The following SLC44A5 variants were observed in gnomAD, a reference collection of about 807,000 sequenced individuals.
The protein encoded by SLC44A5 is choline transporter-like protein 5.
A neutral mutation model predicts 101.8 loss-of-function variants in SLC44A5; 57 were observed. That is an observed-to-expected ratio of 0.56 (90% CI 0.45 to 0.70). The LOEUF (loss-of-function observed/expected upper bound fraction) is 0.70. Among genes scored for constraint, SLC44A5 ranks in the 30% least tolerant of loss-of-function variants. The pLI is 0.00. For synonymous variants in SLC44A5, 281 were observed against 290.9 expected (o/e 0.97, Z 0.35); for missense variants, 737 against 853.1 (o/e 0.86, Z 1.70).
intron 2 of SLC44A5, among the ~76,000 whole-genome samples, chr1:75,425,621 G>A (rs1664263550): frequency 6.6e-6 from 1 of 152,182 alleles, no homozygotes; most frequent in Admixed American, 6.5e-5. Flanking sequence ...GTGTGTCCTA[G>A]TCAATCTACT....
intron 1 of SLC44A5, among the ~76,000 whole-genome samples, chr1:75,605,846 A>C (rs1402644371): frequency 6.6e-6 from 1 of 152,070 alleles, no homozygotes; most frequent in Non-Finnish European, 1.5e-5. Flanking sequence ...TTTCAGAAGC[A>C]GCTTCCTAGC....
At chr1:75,541,347 C>A (rs965685675) in intron 2 of SLC44A5, 88 bp downstream of exon 2, 28 of 1,025,106 alleles carry the variant, frequency 2.7e-5, no homozygotes, top group Admixed American at 1.3e-4. Context: ...ACTCATTTTT[C>A]TATTTGTCCT....
chr1:75,557,052 A>G (rs1672259000), intron 1 of SLC44A5, among the ~76,000 whole-genome samples: 1 of 152,132 alleles, frequency 6.6e-6, no homozygotes, highest in Non-Finnish European at 1.5e-5. Context: ...ACTGTGTTAC[A>G]TGGTCACCCC....
intron 1 of SLC44A5, among the ~76,000 whole-genome samples, chr1:75,554,451 A>G (rs561660852): frequency 9.1e-4 from 131 of 143,258 alleles, no homozygotes; most frequent in Non-Finnish European, 2.6e-4. Flanking sequence ...CAGCCTGAGC[A>G]ACAGAGTGTG....
At chr1:75,558,615 C>T (rs1672349611) in intron 1 of SLC44A5, among the ~76,000 whole-genome samples, 1 of 152,044 alleles carries the variant, frequency 6.6e-6, no homozygotes, top group Non-Finnish European at 1.5e-5. Flanking sequence ...TCAAGAAAAT[C>T]CCCAAACTTT....
intron 2 of SLC44A5, among the ~76,000 whole-genome samples, chr1:75,539,461 A>T (rs969831815): frequency 6.6e-6 from 1 of 152,008 alleles, no homozygotes; most frequent in African/African-American, 2.4e-5. Context: ...TTTCTGTTCC[A>T]CTCCAACAAG....
At chr1:75,558,155 C>T (rs369354959) in intron 1 of SLC44A5, among the ~76,000 whole-genome samples, 1 of 152,078 alleles carries the variant, frequency 6.6e-6, no homozygotes, top group Non-Finnish European at 1.5e-5. Context: ...GCATTTTTAA[C>T]TTTTATTTTA....
At chr1:75,631,998 C>A in the SLC44A5 span, among the ~76,000 whole-genome samples, 36 of 152,220 alleles carry the variant, frequency 2.4e-4, no homozygotes, top group African/African-American at 8.4e-4. Context: ...TCTGCAGTGC[C>A]TGGAGTCACT....
intron 2 of SLC44A5, among the ~76,000 whole-genome samples, chr1:75,419,747 A>T (rs978053156): frequency 1.3e-5 from 2 of 152,188 alleles, no homozygotes; most frequent in Non-Finnish European, 2.9e-5. Flanking sequence ...AAATCCTAAT[A>T]GGCTATTTAA....
intron 4 of SLC44A5, among the ~76,000 whole-genome samples, chr1:75,337,792 A>C (rs1657565040): frequency 6.6e-6 from 1 of 152,182 alleles, no homozygotes; most frequent in African/African-American, 2.4e-5. Context: ...GTGACTAGGC[A>C]CAAAATGCTG....
At chr1:75,503,065 T>C (rs958630547) in intron 2 of SLC44A5, among the ~76,000 whole-genome samples, 3 of 152,150 alleles carry the variant, frequency 2.0e-5, no homozygotes, top group Non-Finnish European at 4.4e-5. Flanking sequence ...AAAGGTACTA[T>C]TGTCATTATG....
intron 1 of SLC44A5, among the ~76,000 whole-genome samples, chr1:75,553,399 A>G (rs1411051581): frequency 1.3e-5 from 2 of 152,196 alleles, no homozygotes; most frequent in African/African-American, 4.8e-5. Flanking sequence ...TGCCAGTTTT[A>G]TATTTTGAGG....
intron 2 of SLC44A5, among the ~76,000 whole-genome samples, chr1:75,531,637 T>C (rs1272971096): frequency 6.6e-6 from 1 of 152,216 alleles, no homozygotes; most frequent in Non-Finnish European, 1.5e-5. Context: ...TGTCACACTT[T>C]GACAAAGCTC....
rs1377883987 is a variant in SLC44A5, at chr1:75,203,721, G to A, written c.*6C>T. 6.5e-6 allele frequency: 10 copies of A among 1,547,138 alleles called. No homozygotes were observed. The East Asian group carries it at 2.5e-4, about 38-fold the overall frequency. Reference sequence around the variant, plus strand: ...CACACAGCTGTAGGACGACCAGTTTGCTCTTCTACTGCTTCCTAGTTTGTG... The same window carrying A: ...CACACAGCTGTAGGACGACCAGTTTACTCTTCTACTGCTTCCTAGTTTGTG... On this transcript the variant is annotated 3_prime_UTR_variant, in exon 24 of 24. Transcript: ENST00000370859.
chr1:75,228,688 A>G (rs1490194812), intron 12 of SLC44A5, among the ~76,000 whole-genome samples: 1 of 150,242 alleles, frequency 6.7e-6, no homozygotes, highest in East Asian at 2.0e-4. Context: ...CTTATATTCC[A>G]TTTTTCTTCT....
intron 2 of SLC44A5, among the ~76,000 whole-genome samples, chr1:75,438,808 A>G (rs567321660): frequency 2.0e-5 from 3 of 152,260 alleles, no homozygotes; most frequent in Non-Finnish European, 4.4e-5. Context: ...TTAAAAAATC[A>G]CCTAACACAC....
At chr1:75,584,722 G>A (rs1320213060) in intron 1 of SLC44A5, among the ~76,000 whole-genome samples, 1 of 152,040 alleles carries the variant, frequency 6.6e-6, no homozygotes, top group Non-Finnish European at 1.5e-5. Context: ...CGATTCTCAT[G>A]CCTCAGCCTC....
chr1:75,515,098 T>C (rs958658722), intron 2 of SLC44A5, among the ~76,000 whole-genome samples: 4 of 152,192 alleles, frequency 2.6e-5, no homozygotes, highest in Non-Finnish European at 5.9e-5. Context: ...ACTTTTTGTG[T>C]GTTGTTTCAC....
At chr1:75,287,379 T>G in intron 5 of SLC44A5, among the ~76,000 whole-genome samples, 1 of 151,630 alleles carries the variant, frequency 6.6e-6, no homozygotes, top group Non-Finnish European at 1.5e-5. Flanking sequence ...GGTATTCACC[T>G]TTCTCTGGTG....
Sources: allele counts gnomAD v4.1 joint callset (sites outside exome capture counted in the v4.1 genomes callset), GRCh38; gene constraint gnomAD v4.1.1; transcripts MANE v1.5; gene names NCBI Gene and HGNC (gene_info 2026-07-23, HGNC 2026-07-21).